DCHS2: variants seen among roughly 807,000 people sequenced by gnomAD.
DCHS2 encodes the protein protocadherin-23.
In DCHS2, 142 loss-of-function variants were observed where a neutral mutation model predicts 182.4. That is an observed-to-expected ratio of 0.78 (90% CI 0.68 to 0.89). The LOEUF is 0.89. DCHS2 is among the 40% of genes least tolerant of loss of function. DCHS2 has a pLI of 0.00. For missense variants in DCHS2, 4,319 were observed against 4,198.6 expected, an observed-to-expected ratio of 1.03 and a Z score of -0.79; for synonymous variants, 1,740 against 1,663.3, an observed-to-expected ratio of 1.05 and a Z score of -1.12.
intron 13 of DCHS2, among the ~76,000 whole-genome samples, chr4:154,270,738 G>A (rs1419940678): frequency 1.3e-5 from 2 of 151,588 alleles, no homozygotes; most frequent in African/African-American, 4.8e-5. Flanking sequence ...TAGGACTGTG[G>A]GATGGGAGAT....
At chr4:154,349,757 A>G (rs1160947005) in intron 3 of DCHS2, among the ~76,000 whole-genome samples, 2 of 152,200 alleles carry the variant, frequency 1.3e-5, no homozygotes, top group African/African-American at 4.8e-5. Flanking sequence ...GCTGATTCAC[A>G]TGATATGTAT....
At position 154,299,960 on chromosome 4, in the gene DCHS2, G is replaced by A. The variant is rs1735131534; in HGVS notation, c.5606-1252C>T. Among the ~76,000 whole-genome samples, 4 of 152,278 alleles carry A rather than the reference G, an allele frequency of 2.6e-5. No homozygotes were observed. In the South Asian group the frequency reaches 8.3e-4, roughly 32 times the overall value. ...TTTCTCTGAGAAGTACAGAGAAAGG[G>A]CACATAGTCCTATGTTAGTAAGTTC... On this transcript the variant is annotated intron_variant, in intron 12 of 19. Coordinates refer to ENST00000357232, the MANE Select transcript of DCHS2 (RefSeq NM_001358235.2).
At chr4:154,307,633 G>T (rs1024446851) in intron 10 of DCHS2, among the ~76,000 whole-genome samples, 12 of 152,312 alleles carry the variant, frequency 7.9e-5, no homozygotes, top group African/African-American at 2.9e-4. Context: ...TTCTGCCAAA[G>T]ATTTCCAGCA....
chr4:154,420,073 TA>T (rs1344510031), intron 1 of DCHS2, among the ~76,000 whole-genome samples: 1 of 151,998 alleles, frequency 6.6e-6, no homozygotes, highest in Non-Finnish European at 1.5e-5. Flanking sequence ...TTAACACAGG[TA>T]GAAATAGTCA....
Position 154,282,812 on chromosome 4 carries a change from C to T in DCHS2, c.6464-12799G>A, listed in dbSNP as rs990488874. On this transcript the variant is annotated intron_variant, in intron 13 of 19. Coordinates refer to ENST00000357232, the MANE Select transcript of DCHS2 (RefSeq NM_001358235.2). ...TCAATGAATGAATGGATAGCCAAAA[C>T]GTAGTATATACATTCAATGAAATAT... Among the ~76,000 whole-genome samples, 5 of 151,916 alleles carry T rather than the reference C, an allele frequency of 3.3e-5. No homozygotes were observed. The South Asian group carries it at 6.2e-4, about 19-fold the overall frequency.
intron 1 of DCHS2, among the ~76,000 whole-genome samples, chr4:154,421,405 T>TAATTTA (rs143862638): frequency 2.0e-5 from 3 of 148,754 alleles, no homozygotes; most frequent in Non-Finnish European, 4.5e-5. Flanking sequence ...TAATTTAATT[T>TAATTTA]ATTTATTTGA....
At chr4:154,289,088 G>T (rs1387637977) in intron 13 of DCHS2, among the ~76,000 whole-genome samples, 4 of 151,778 alleles carry the variant, frequency 2.6e-5, no homozygotes, top group Non-Finnish European at 5.9e-5. Context: ...GAACAACAAA[G>T]ATCAGAACAG....
At chr4:154,259,519 C>T in intron 15 of DCHS2, 26 bp downstream of exon 15, 1 of 1,610,752 alleles carries the variant, frequency 6.2e-7, no homozygotes, top group Non-Finnish European at 8.5e-7. Context: ...CACACACACA[C>T]ACACACACAA....
chr4:154,275,134 C>G (rs1034492746), intron 13 of DCHS2, among the ~76,000 whole-genome samples: 19 of 151,886 alleles, frequency 1.3e-4, no homozygotes, highest in Admixed American at 6.6e-4. Flanking sequence ...TCCTTAGAAG[C>G]CTTTCAATGC....
At chr4:154,302,965 ACACC>A (rs59641648) in intron 12 of DCHS2, among the ~76,000 whole-genome samples, 24,122 of 64,734 alleles carry the variant, frequency 0.37, 2,899 homozygotes, top group East Asian at 0.54. Context: ...ACACACACAC[ACACC>A]CACACACACA....
intron 7 of DCHS2, among the ~76,000 whole-genome samples, chr4:154,324,559 A>T (rs570012620): frequency 6.6e-6 from 1 of 151,450 alleles, no homozygotes; most frequent in Non-Finnish European, 1.5e-5. Flanking sequence ...TTAGATTGGT[A>T]TCATAAGGTT....
intron 14 of DCHS2, chr4:154,261,687 A>G (rs1732993380): frequency 6.6e-6 from 1 of 152,180 alleles, no homozygotes; most frequent in African/African-American, 2.4e-5. Flanking sequence ...CTGTTAGGAA[A>G]AAAAAACAAT....
chr4:154,375,985 T>C (rs1412231963), intron 2 of DCHS2, among the ~76,000 whole-genome samples: 1 of 152,108 alleles, frequency 6.6e-6, no homozygotes, highest in Non-Finnish European at 1.5e-5. Flanking sequence ...AAACACATAC[T>C]GTATGATTCC....
At position 154,236,676 on chromosome 4, in the gene DCHS2, T is replaced by C. The variant is rs778584525; in HGVS notation, c.7976A>G (p.Asn2659Ser). 9 of 1,613,918 alleles carry C rather than the reference T, an allele frequency of 5.6e-6. No homozygotes were observed. In the East Asian group the frequency reaches 1.8e-4, roughly 32 times the overall value. ...AVISIQVLDVNDNPPNFSSLS... is the reference protein window; with the variant it reads ...AVISIQVLDVSDNPPNFSSLS... ...GCTGCTGAAGTTTGGGGGATTGTCA[T>C]TGACATCAAGTACTTGTATTGATAT... Residue 2659 changes from asparagine to serine, a missense_variant, in exon 20 of 20, where the codon AAT becomes AGT. Transcript: ENST00000357232.
intron 14 of DCHS2, among the ~76,000 whole-genome samples, chr4:154,268,857 C>A (rs1420401332): frequency 9.2e-5 from 14 of 152,022 alleles, no homozygotes; most frequent in Admixed American, 9.2e-4. Flanking sequence ...TAATGATGGA[C>A]TGTAGAAGAA....
At chr4:154,239,430 G>C in intron 18 of DCHS2, 128 bp from the exon 19 acceptor site, 1 of 1,383,516 alleles carries the variant, frequency 7.2e-7, no homozygotes, top group East Asian at 2.5e-5. Context: ...ACCTGACTTT[G>C]TTAGACATAT....
At chr4:154,284,737 G>C (rs1402061499) in intron 13 of DCHS2, among the ~76,000 whole-genome samples, 1 of 152,188 alleles carries the variant, frequency 6.6e-6, no homozygotes, top group Non-Finnish European at 1.5e-5. Context: ...TGTCTCAGCA[G>C]TTGGAACCTG....
chr4:154,384,157 TG>T, intron 1 of DCHS2, among the ~76,000 whole-genome samples: 1 of 152,312 alleles, frequency 6.6e-6, no homozygotes, highest in East Asian at 1.9e-4. Context: ...GAATCAGCAT[TG>T]GGGCCCACAA....
chr4:154,490,926 C>G lies in DCHS2; in HGVS notation c.430G>C (p.Ala144Pro). The G allele has an allele frequency of 6.4e-7, 1 of 1,551,132 alleles. No homozygotes were observed. Among genetic ancestry groups the G allele is most frequent in the Non-Finnish European group, 8.7e-7 (1 of 1,146,872 alleles). The change falls in exon 1 of 20, where the codon GCC becomes CCC. Residue 144 changes from alanine to proline, a missense_variant. Coordinates refer to ENST00000357232, the MANE Select transcript of DCHS2 (RefSeq NM_001358235.2). ...ERRDHYSFVAATLLGAVVQVE... is the reference protein window; with the variant it reads ...ERRDHYSFVAPTLLGAVVQVE... Reference sequence around the variant, plus strand: ...TGCACCACAGCGCCCAGCAGCGTGGCGGCGACGAAGCTGTAGTGGTCCCGC... The same window carrying G: ...TGCACCACAGCGCCCAGCAGCGTGGGGGCGACGAAGCTGTAGTGGTCCCGC...
Sources: allele counts gnomAD v4.1 joint callset (sites outside exome capture counted in the v4.1 genomes callset), GRCh38; gene constraint gnomAD v4.1.1; transcripts MANE v1.5; gene names NCBI Gene and HGNC (gene_info 2026-07-23, HGNC 2026-07-21).